The following PCSK5 variants were observed in gnomAD, a reference collection of about 807,000 sequenced individuals.
The protein encoded by PCSK5 is proprotein convertase subtilisin/kexin type 5, also known as prohormone convertase 5.
Under a neutral mutation model 233.2 loss-of-function variants are expected in PCSK5, and 129 were observed. That is an observed-to-expected ratio of 0.55 (90% CI 0.48 to 0.64). The LOEUF is 0.64. PCSK5 is among the 30% of genes least tolerant of loss of function. PCSK5 has a pLI of 0.00. For synonymous variants in PCSK5, 825 were observed against 879.2 expected (o/e 0.94, Z 1.09); for missense variants, 2,076 against 2,430.1 (o/e 0.85, Z 3.06).
intron 32 of PCSK5, among the ~76,000 whole-genome samples, chr9:76,325,053 T>G (rs1237288357): frequency 6.6e-6 from 1 of 152,132 alleles, no homozygotes; most frequent in Admixed American, 6.6e-5. Context: ...TGTCTTTTTG[T>G]GTGTTTTATA....
intron 3 of PCSK5, among the ~76,000 whole-genome samples, chr9:76,001,673 A>G (rs1827268501): frequency 6.6e-6 from 1 of 152,124 alleles, no homozygotes; most frequent in South Asian, 2.1e-4. Flanking sequence ...TAACTCTACT[A>G]GGTCTTGCAC....
chr9:76,093,582 T>TATATACACACACACAC (rs375899150), intron 7 of PCSK5, among the ~76,000 whole-genome samples: 2 of 149,846 alleles, frequency 1.3e-5, no homozygotes, highest in African/African-American at 4.9e-5. Context: ...TATATATATA[T>TATATACACACACACAC]ACACACACAC....
intron 2 of PCSK5, among the ~76,000 whole-genome samples, chr9:75,980,154 G>C (rs1366951856): frequency 1.3e-5 from 2 of 152,182 alleles, no homozygotes; most frequent in Non-Finnish European, 2.9e-5. Flanking sequence ...AGCTTAAGGG[G>C]AGAACTATGA....
intron 2 of PCSK5, among the ~76,000 whole-genome samples, chr9:75,978,610 G>A (rs1326120713): frequency 2.0e-5 from 3 of 152,176 alleles, no homozygotes; most frequent in Non-Finnish European, 4.4e-5. Flanking sequence ...TAGGTGTAAA[G>A]ATCACACACA....
rs1176170637 is a variant in PCSK5 at position 76,292,241 on chromosome 9, G to C, written c.3151G>C (p.Gly1051Arg). 4 of 1,569,370 alleles carry C rather than the reference G, an allele frequency of 2.5e-6. No individual in the cohort carries two copies. Among genetic ancestry groups the C allele is most frequent in the African/African-American group, 2.7e-5 (2 of 73,898 alleles). Residue 1051 changes from glycine to arginine, a missense_variant, in exon 25 of 38, where the codon GGA (glycine) becomes CGA (arginine). Physicochemically the swap from Gly to Arg is moderately radical, Grantham distance 125 (BLOSUM62 -2). This residue lies in a region of PCSK5 where 1,510 missense variants were observed against 1,538.1 expected (regional missense o/e 0.98). Coordinates refer to ENST00000674117, the MANE Select transcript of PCSK5 (RefSeq NM_001372043.1). ...GCLGCSLDDP[G>R]TCTSCAMGYY... ...TTATTTTTTTTTTCCAGATGATCCA[G>C]GAACATGTACATCTTGCGCTATGGG...
chr9:76,047,496 A>G (rs1442297623), intron 5 of PCSK5, among the ~76,000 whole-genome samples: 3 of 152,174 alleles, frequency 2.0e-5, no homozygotes, highest in Admixed American at 1.3e-4. Flanking sequence ...TGACTTGAGA[A>G]AGAGTCATTT....
At chr9:76,153,536 C>T (rs961015528) in intron 10 of PCSK5, among the ~76,000 whole-genome samples, 126 of 152,188 alleles carry the variant, frequency 8.3e-4, no homozygotes, top group Admixed American at 8.2e-3. Flanking sequence ...AGCTTTTGCT[C>T]TGAACTGGGT....
At chr9:76,061,031 C>CT (rs931409036) in intron 5 of PCSK5, among the ~76,000 whole-genome samples, 2 of 151,980 alleles carry the variant, frequency 1.3e-5, no homozygotes, top group African/African-American at 2.4e-5. Flanking sequence ...CACTAAATAT[C>CT]TTTTTTTAAC....
chr9:76,335,390 T>C (rs1443297093), intron 34 of PCSK5, among the ~76,000 whole-genome samples: 1 of 152,228 alleles, frequency 6.6e-6, no homozygotes, highest in Non-Finnish European at 1.5e-5. Flanking sequence ...ACTCTTCCTT[T>C]AGTAAAATCA....
chr9:75,967,259 C>G (rs1825628624), intron 2 of PCSK5, among the ~76,000 whole-genome samples: 1 of 152,120 alleles, frequency 6.6e-6, no homozygotes, highest in Admixed American at 6.5e-5. Context: ...TTTCCGCCCT[C>G]TAGTAGCCCC....
intron 24 of PCSK5, among the ~76,000 whole-genome samples, chr9:76,258,358 C>T (rs1827050876): frequency 6.6e-6 from 1 of 152,162 alleles, no homozygotes; most frequent in Non-Finnish European, 1.5e-5. Flanking sequence ...TGAGTGATGA[C>T]ATTGAGCCTT....
intron 29 of PCSK5, among the ~76,000 whole-genome samples, chr9:76,309,895 C>T (rs990613809): frequency 6.6e-6 from 1 of 152,094 alleles, no homozygotes. Flanking sequence ...AATTGGTTTT[C>T]TTAATGAGTA....
chr9:76,323,757 TG>T (rs1829279259), intron 32 of PCSK5, among the ~76,000 whole-genome samples: 1 of 152,184 alleles, frequency 6.6e-6, no homozygotes, highest in Non-Finnish European at 1.5e-5. Context: ...ACAAATCACG[TG>T]GACCTTCCTC....
chr9:76,250,907 A>G, intron 24 of PCSK5, among the ~76,000 whole-genome samples: 1 of 152,218 alleles, frequency 6.6e-6, no homozygotes, highest in African/African-American at 2.4e-5. Context: ...ATTTGCCAAA[A>G]TTTATAGAAC....
chr9:75,986,304 A>G (rs1049725133), intron 3 of PCSK5, 59 bp downstream of exon 3: 18 of 978,520 alleles, frequency 1.8e-5, no homozygotes, highest in African/African-American at 4.8e-5. Context: ...TGTTGTATGC[A>G]GAGAATCTGT....
chr9:75,939,998 C>T (rs1032857410), intron 2 of PCSK5, among the ~76,000 whole-genome samples: 1 of 152,194 alleles, frequency 6.6e-6, no homozygotes, highest in Non-Finnish European at 1.5e-5. Flanking sequence ...ATTCATATAA[C>T]ATTACTTATT....
chr9:76,032,091 C>T lies in PCSK5; in HGVS notation c.632+5054C>T, dbSNP rs143650173. On this transcript the variant is annotated intron_variant, in intron 5 of 37. Coordinates refer to ENST00000674117, the MANE Select transcript of PCSK5 (RefSeq NM_001372043.1). ...CATTTTCCCATCTCCCTTAGTAGAG[C>T]ATGAGTCCTTGAATTTGATATAAAA... Among the ~76,000 whole-genome samples, 3 of 152,248 alleles carry T rather than the reference C, an allele frequency of 2.0e-5. No individual in the cohort carries two copies. In the East Asian group the frequency reaches 5.8e-4, roughly 29 times the overall value.
chr9:76,215,098 G>A (rs1825474146), intron 20 of PCSK5, among the ~76,000 whole-genome samples: 1 of 152,176 alleles, frequency 6.6e-6, no homozygotes, highest in African/African-American at 2.4e-5. Context: ...GCCAAAGACT[G>A]TTCAAGTTCC....
chr9:76,213,336 C>T (rs911690831), intron 20 of PCSK5, among the ~76,000 whole-genome samples: 1 of 152,172 alleles, frequency 6.6e-6, no homozygotes, highest in African/African-American at 2.4e-5. Context: ...TCTTCCTTTT[C>T]GGTATTCATT....
Sources: allele counts gnomAD v4.1 joint callset (sites outside exome capture counted in the v4.1 genomes callset), GRCh38; gene constraint gnomAD v4.1.1; regional missense constraint gnomAD v4.1.1; transcripts MANE v1.5; gene names NCBI Gene and HGNC (gene_info 2026-07-23, HGNC 2026-07-21).